Variants in SEL1L2 observed in about 807,000 individuals in gnomAD.
SEL1L2 encodes the protein protein sel-1 homolog 2.
In SEL1L2, 89 loss-of-function variants were observed where a neutral mutation model predicts 98.8. That is an observed-to-expected ratio of 0.90 (90% CI 0.76 to 1.07). SEL1L2 has a LOEUF of 1.07. Among genes scored for constraint, SEL1L2 ranks in the 50% least tolerant of loss-of-function variants. The pLI is 0.00. For synonymous variants in SEL1L2, 262 were observed against 278.5 expected (o/e 0.94, Z 0.59); for missense variants, 788 against 812.0 (o/e 0.97, Z 0.36).
chr20:13,895,447 TAAA>T (rs74581623), intron 5 of SEL1L2, among the ~76,000 whole-genome samples: 4 of 93,048 alleles, frequency 4.3e-5, no homozygotes, highest in Admixed American at 2.5e-4. Context: ...GATCTTGTCC[TAAA>T]AAAAAAAAAA....
At chr20:13,975,629 G>A (rs2051497069) in intron 1 of SEL1L2, among the ~76,000 whole-genome samples, 1 of 152,206 alleles carries the variant, frequency 6.6e-6, no homozygotes, top group South Asian at 2.1e-4. Context: ...TTACATGTAT[G>A]TTAACTACTA....
At chr20:13,924,658 T>A (rs2048804508) in intron 3 of SEL1L2, among the ~76,000 whole-genome samples, 1 of 152,126 alleles carries the variant, frequency 6.6e-6, no homozygotes, top group African/African-American at 2.4e-5. Context: ...TCCTTGGACT[T>A]AAGTGATCCT....
intron 18 of SEL1L2, among the ~76,000 whole-genome samples, chr20:13,856,381 C>T (rs1038753727): frequency 1.3e-5 from 2 of 152,194 alleles, no homozygotes; most frequent in South Asian, 2.1e-4. Context: ...CTGCCCACCT[C>T]GGCCTCCCAG....
chr20:13,990,365 G>A, intron 1 of SEL1L2, 112 bp downstream of exon 1: 2 of 729,412 alleles, frequency 2.7e-6, no homozygotes, highest in Non-Finnish European at 4.8e-6. Flanking sequence ...AATGGCATTA[G>A]TTAGGGATAT....
intron 18 of SEL1L2, among the ~76,000 whole-genome samples, chr20:13,853,545 A>G (rs1227071446): frequency 6.6e-6 from 1 of 152,202 alleles, no homozygotes; most frequent in African/African-American, 2.4e-5. Context: ...GTTGCAGAGT[A>G]TATTGTAATA....
chr20:13,928,133 A>T (rs904745785), intron 3 of SEL1L2: 8 of 152,244 alleles, frequency 5.3e-5, no homozygotes, highest in African/African-American at 1.9e-4. Flanking sequence ...AGTTTCACTA[A>T]CTTTTCAGTT....
intron 1 of SEL1L2, among the ~76,000 whole-genome samples, chr20:13,990,210 T>A (rs748779299): frequency 6.6e-6 from 1 of 152,350 alleles, no homozygotes; most frequent in Non-Finnish European, 1.5e-5. Context: ...TTTATAACAA[T>A]TACTGTAGTG....
chr20:13,948,393 G>A (rs2050114604), intron 2 of SEL1L2, among the ~76,000 whole-genome samples: 1 of 152,040 alleles, frequency 6.6e-6, no homozygotes, highest in Admixed American at 6.5e-5. Context: ...TCAAAAGAGT[G>A]CGGCACAAAG....
At chr20:13,973,406 A>T (rs1029745474) in intron 1 of SEL1L2, 8 of 152,222 alleles carry the variant, frequency 5.3e-5, no homozygotes, top group African/African-American at 1.9e-4. Flanking sequence ...TAGAATATGT[A>T]AGCACTGCTG....
At chr20:13,967,688 TC>T (rs1053764670) in intron 1 of SEL1L2, among the ~76,000 whole-genome samples, 3 of 152,286 alleles carry the variant, frequency 2.0e-5, no homozygotes, top group African/African-American at 7.2e-5. Context: ...CCTAAGCTCT[TC>T]CCATTCTGAA....
intron 5 of SEL1L2, among the ~76,000 whole-genome samples, chr20:13,909,705 T>C (rs1303097813): frequency 1.3e-5 from 2 of 152,020 alleles, no homozygotes; most frequent in East Asian, 3.9e-4. Flanking sequence ...AGAGGCTGGG[T>C]GTGGTGGCTC....
intron 2 of SEL1L2, among the ~76,000 whole-genome samples, chr20:13,953,560 C>A (rs1036553265): frequency 6.6e-6 from 1 of 152,168 alleles, no homozygotes; most frequent in African/African-American, 2.4e-5. Flanking sequence ...GAAACTCCAA[C>A]TGGGCTGCAT....
intron 1 of SEL1L2, among the ~76,000 whole-genome samples, chr20:13,971,872 C>T (rs1469329015): frequency 6.6e-6 from 1 of 152,124 alleles, no homozygotes; most frequent in Non-Finnish European, 1.5e-5. Flanking sequence ...ATTTTAAAAC[C>T]TTCTTTCAGG....
chr20:13,888,418 GAA>G (rs767011854), intron 6 of SEL1L2, 39 bp downstream of exon 6: 1 of 1,311,958 alleles, frequency 7.6e-7, no homozygotes, highest in Non-Finnish European at 1.1e-6. Context: ...CCCTTTTAGA[GAA>G]ATCAATTTTG....
rs1270669310 is a variant in SEL1L2, at chr20:13,931,604, A to G, written c.282T>C (p.His94=). 8.8e-6 allele frequency: 12 copies of G among 1,365,650 alleles called. No individual in the cohort carries two copies. The South Asian group carries it at 1.2e-4, about 14-fold the overall frequency. 84.6% of individuals were successfully genotyped at this position (1,365,650 alleles called of 1,614,324 possible). The part of the protein sequence containing the change: ...NKDILKRNKN[H]LQKQAEKNFT... The stretch of plus-strand genomic sequence containing the variant: ...CATGTGAAAAGATATTCTACTTACA[A>G]TGATTCTTATTTCTCTTCAAGATAT... Residue 94 remains histidine (H), a splice_region_variant and synonymous_variant, in exon 3 of 20, where the codon CAT becomes CAC. Coordinates refer to ENST00000284951, the MANE Select transcript of SEL1L2 (RefSeq NM_025229.2).
intron 2 of SEL1L2, among the ~76,000 whole-genome samples, chr20:13,949,402 C>T (rs1484144090): frequency 2.6e-5 from 4 of 152,186 alleles, no homozygotes; most frequent in African/African-American, 9.7e-5. Flanking sequence ...CGGTGGCTCA[C>T]GCCTGTAATC....
At chr20:13,926,047 C>CATG (rs1568981436) in intron 3 of SEL1L2, among the ~76,000 whole-genome samples, 1 of 152,154 alleles carries the variant, frequency 6.6e-6, no homozygotes, top group African/African-American at 2.4e-5. Flanking sequence ...GGCCGGGAGC[C>CATG]GTGGCTCACG....
chr20:13,869,383 T>C, intron 14 of SEL1L2, 120 bp downstream of exon 14: 1 of 721,526 alleles, frequency 1.4e-6, no homozygotes, highest in Non-Finnish European at 2.4e-6. Flanking sequence ...TTATTTAATT[T>C]GTTGCCTAAA....
chr20:13,862,870 A>AT (rs1172935393), intron 17 of SEL1L2, among the ~76,000 whole-genome samples: 1 of 151,292 alleles, frequency 6.6e-6, no homozygotes, highest in Non-Finnish European at 1.5e-5. Context: ...TTTATCTTTT[A>AT]TTTTTTTGTA....
Sources: allele counts gnomAD v4.1 joint callset (sites outside exome capture counted in the v4.1 genomes callset), GRCh38; gene constraint gnomAD v4.1.1; transcripts MANE v1.5; gene names NCBI Gene and HGNC (gene_info 2026-07-23, HGNC 2026-07-21).